Variants in SDK1 observed in about 807,000 individuals in gnomAD.
The protein encoded by SDK1 is protein sidekick-1.
A neutral mutation model predicts 245.5 loss-of-function variants in SDK1; 157 were observed. That is an observed-to-expected ratio of 0.64 (90% CI 0.56 to 0.73). The LOEUF (loss-of-function observed/expected upper bound fraction) is 0.73, where lower values mean the gene tolerates loss of function less well. Ranked by LOEUF, SDK1 falls within the 30% of genes least tolerant of loss-of-function variation. SDK1 has a pLI of 0.00. For missense variants in SDK1, 3,583 were observed against 3,002.3 expected (o/e 1.19, Z -4.52); for synonymous variants, 1,647 against 1,278.5 (o/e 1.29, Z -6.15).
intron 17 of SDK1, among the ~76,000 whole-genome samples, chr7:4,032,597 A>G (rs1787902032): frequency 6.9e-6 from 1 of 144,192 alleles, no homozygotes; most frequent in Non-Finnish European, 1.5e-5. Context: ...TCTGGAAACT[A>G]CTATGAGCAA....
In SDK1 at chr7:3,739,793, C is replaced by T. The variant is rs137921528; in HGVS notation, c.714-81657C>T. 7.3e-3 allele frequency among the ~76,000 whole-genome samples: 1,106 copies of T among 152,104 alleles called. 16 individuals are homozygous for T. Among genetic ancestry groups the T allele is most frequent in the African/African-American group, 0.025 (1,025 of 41,492 alleles). Reference sequence around the variant, plus strand: ...TTTCTATTGATTGCTTTTTTTCCCCCGTGTATGCTCCATACCTTCCTATTT... The same window carrying T: ...TTTCTATTGATTGCTTTTTTTCCCCTGTGTATGCTCCATACCTTCCTATTT... On this transcript the variant is annotated intron_variant, in intron 4 of 44. Transcript: ENST00000404826.
intron 2 of SDK1, among the ~76,000 whole-genome samples, chr7:3,619,906 C>G (rs1403214355): frequency 9.2e-5 from 14 of 151,432 alleles, no homozygotes; most frequent in East Asian, 3.9e-4. Context: ...GTAGCACAGC[C>G]TTTGGAGCCT....
rs150724955 is a variant in SDK1 at position 4,035,061 on chromosome 7, T to G, written c.2603-14287T>G. Among the ~76,000 whole-genome samples the G allele has an allele frequency of 4.0e-3, 602 of 152,258 alleles. 4 individuals are homozygous for G. Among genetic ancestry groups the G allele is most frequent in the African/African-American group, 0.014 (564 of 41,564 alleles). ...TGGCACAGTCTTGGCTCACCGCAACTTCCACCTCCCGGGTTCAAGCAATTC... is the reference window on the plus strand; with the variant it reads ...TGGCACAGTCTTGGCTCACCGCAACGTCCACCTCCCGGGTTCAAGCAATTC... On this transcript the variant is annotated intron_variant, in intron 17 of 44. Coordinates refer to ENST00000404826, the MANE Select transcript of SDK1 (RefSeq NM_152744.4).
chr7:3,546,333 C>G (rs547940198), intron 1 of SDK1, among the ~76,000 whole-genome samples: 195 of 152,338 alleles, frequency 1.3e-3, no homozygotes, highest in African/African-American at 4.5e-3. Flanking sequence ...CAGTAGGTCT[C>G]TCGGCCCCTC....
intron 1 of SDK1, among the ~76,000 whole-genome samples, chr7:3,303,014 A>G (rs897721692): frequency 3.3e-5 from 5 of 151,622 alleles, no homozygotes; most frequent in African/African-American, 9.7e-5. Flanking sequence ...ACGAACTCAT[A>G]CTTTTTTTTA....
intron 1 of SDK1, among the ~76,000 whole-genome samples, chr7:3,452,572 TG>T (rs1443063689): frequency 6.6e-6 from 1 of 152,206 alleles, no homozygotes; most frequent in Non-Finnish European, 1.5e-5. Flanking sequence ...GACTTAATTT[TG>T]TGTACACTTT....
intron 4 of SDK1, among the ~76,000 whole-genome samples, chr7:3,816,263 AAG>A (rs1244623464): frequency 1.3e-5 from 2 of 152,026 alleles, no homozygotes. Flanking sequence ...AACTGAAGGA[AAG>A]AGAGACACAA....
At chr7:3,431,865 AT>A (rs11450888) in intron 1 of SDK1, among the ~76,000 whole-genome samples, 16 of 150,246 alleles carry the variant, frequency 1.1e-4, no homozygotes, top group East Asian at 1.9e-4. Context: ...ATCAGGAGTG[AT>A]TTTTTTTTTA....
At chr7:3,631,737 T>C (rs1405689253) in intron 2 of SDK1, among the ~76,000 whole-genome samples, 2 of 152,214 alleles carry the variant, frequency 1.3e-5, no homozygotes, top group Non-Finnish European at 2.9e-5. Context: ...TTCTCATTGG[T>C]AAATGATTTG....
intron 1 of SDK1, among the ~76,000 whole-genome samples, chr7:3,592,164 G>T (rs1780897860): frequency 6.6e-6 from 1 of 152,204 alleles, no homozygotes; most frequent in African/African-American, 2.4e-5. Flanking sequence ...CTGACCGCCT[G>T]CTGATACTTT....
chr7:3,422,847 CA>C (rs1779568827), intron 1 of SDK1, among the ~76,000 whole-genome samples: 2 of 152,092 alleles, frequency 1.3e-5, no homozygotes, highest in African/African-American at 4.8e-5. Context: ...ATCTGATTTT[CA>C]GAAGTAATCA....
intron 1 of SDK1, among the ~76,000 whole-genome samples, chr7:3,319,077 A>C (rs944717466): frequency 2.6e-5 from 4 of 152,150 alleles, no homozygotes; most frequent in Non-Finnish European, 5.9e-5. Context: ...CCGCATTGTT[A>C]AATTAATTGG....
chr7:3,453,483 A>C (rs1562495277), intron 1 of SDK1, among the ~76,000 whole-genome samples: 2 of 152,186 alleles, frequency 1.3e-5, no homozygotes. Context: ...TGGACCCTAA[A>C]TGCCAGTACA....
At chr7:4,217,441 A>T in intron 38 of SDK1, among the ~76,000 whole-genome samples, 1 of 115,638 alleles carries the variant, frequency 8.6e-6, no homozygotes. Flanking sequence ...CACTCGGAGA[A>T]CCACACCACC....
chr7:4,128,397 C>T (rs1584227668), intron 26 of SDK1, among the ~76,000 whole-genome samples: 1 of 152,258 alleles, frequency 6.6e-6, no homozygotes, highest in East Asian at 1.9e-4. Flanking sequence ...ACACCACATT[C>T]CTGGGGCCCC....
intron 1 of SDK1, among the ~76,000 whole-genome samples, chr7:3,577,430 C>G (rs879322174): frequency 6.6e-6 from 1 of 151,998 alleles, no homozygotes; most frequent in Admixed American, 6.6e-5. Context: ...TTCACTGAGA[C>G]GTGCTCCCTT....
At chr7:3,518,695 T>C (rs1456600680) in intron 1 of SDK1, among the ~76,000 whole-genome samples, 1 of 152,028 alleles carries the variant, frequency 6.6e-6, no homozygotes, top group Non-Finnish European at 1.5e-5. Context: ...CTGGCAATGA[T>C]ACGGAGAAAA....
At chr7:3,898,243 G>A (rs897165974) in intron 5 of SDK1, among the ~76,000 whole-genome samples, 1 of 152,134 alleles carries the variant, frequency 6.6e-6, no homozygotes, top group Non-Finnish European at 1.5e-5. Flanking sequence ...TTGTAGGGCC[G>A]ACAGTTGACC....
intron 1 of SDK1, among the ~76,000 whole-genome samples, chr7:3,528,564 T>G (rs1389524937): frequency 6.6e-6 from 1 of 152,138 alleles, no homozygotes; most frequent in Non-Finnish European, 1.5e-5. Context: ...CCTTGCTGTC[T>G]GGAGAATCAA....
Sources: allele counts gnomAD v4.1 joint callset (sites outside exome capture counted in the v4.1 genomes callset), GRCh38; gene constraint gnomAD v4.1.1; transcripts MANE v1.5; gene names NCBI Gene and HGNC (gene_info 2026-07-23, HGNC 2026-07-21).